TAF2: variants seen among roughly 807,000 people sequenced by gnomAD.
The protein encoded by TAF2 is TATA-box binding protein associated factor 2.
Under a neutral mutation model 138.5 loss-of-function variants are expected in TAF2, and 61 were observed. The observed-to-expected ratio is 0.44, with a 90% CI of 0.36 to 0.54. TAF2 has a LOEUF of 0.54. Ranked by LOEUF, TAF2 falls within the 20% of genes least tolerant of loss-of-function variation. TAF2 has a pLI of 0.00. For synonymous variants in TAF2, 475 were observed against 469.9 expected (o/e 1.01, Z -0.14); for missense variants, 1,090 against 1,427.9 (o/e 0.76, Z 3.81).
chr8:119,784,957 G>A (rs969502629), intron 15 of TAF2, among the ~76,000 whole-genome samples: 1 of 152,144 alleles, frequency 6.6e-6, no homozygotes, highest in African/African-American at 2.4e-5. Context: ...AGTCAAAGTT[G>A]TGCTCACCCC....
rs140004524 is a variant in TAF2, at chr8:119,741,243, A to T, written c.3337+1291T>A. On this transcript the variant is annotated intron_variant, in intron 25 of 25. Coordinates refer to ENST00000378164, the MANE Select transcript of TAF2 (RefSeq NM_003184.4). ...CACACCGCTAAGAAAAACCAAATGT[A>T]TTCTGACTCTTTTTGGAACAGTAAT... Among the ~76,000 whole-genome samples the T allele has an allele frequency of 1.1e-3, 165 of 152,342 alleles. 1 individual carries two copies. The highest frequency in any genetic ancestry group is 3.7e-3 in the African/African-American group (152 of 41,578).
At chr8:119,817,639 T>G (rs1825564171) in intron 3 of TAF2, among the ~76,000 whole-genome samples, 1 of 152,186 alleles carries the variant, frequency 6.6e-6, no homozygotes, top group Admixed American at 6.5e-5. Flanking sequence ...TCATTACACT[T>G]AACAGATTAT....
chr8:119,775,279 C>CA (rs59665180), intron 18 of TAF2, among the ~76,000 whole-genome samples: 29,273 of 100,588 alleles, frequency 0.29, 4,638 homozygotes, highest in East Asian at 0.47. Flanking sequence ...GATTCCATCT[C>CA]AAAAAAAAAA....
chr8:119,746,479 C>T lies in TAF2; in HGVS notation c.3108+226G>A, dbSNP rs182671042. On this transcript the variant is annotated intron_variant, in intron 23 of 25. Transcript: ENST00000378164. ...AAAAAATAACTAGGTTATCACAATA[C>T]GAGTAACAGGACCGGGAGCACATCA... is the stretch of plus-strand genomic sequence containing the variant. 2.0e-3 allele frequency among the ~76,000 whole-genome samples: 304 copies of T among 150,330 alleles called. 2 individuals are homozygous for T. The highest frequency in any genetic ancestry group is 6.1e-3 in the African/African-American group (248 of 40,988).
chr8:119,739,569 A>C (rs1332884686), intron 25 of TAF2, among the ~76,000 whole-genome samples: 1 of 151,720 alleles, frequency 6.6e-6, no homozygotes, highest in African/African-American at 2.4e-5. Context: ...TCTTCTTTAA[A>C]CCCATATTCT....
At chr8:119,823,473 G>A (rs758174240) in intron 2 of TAF2, among the ~76,000 whole-genome samples, 2 of 146,712 alleles carry the variant, frequency 1.4e-5, no homozygotes, top group African/African-American at 2.6e-5. Flanking sequence ...GAATTTTTCT[G>A]CACAAGCTCT....
intron 18 of TAF2, among the ~76,000 whole-genome samples, chr8:119,776,291 C>A (rs188026875): frequency 6.7e-6 from 1 of 149,296 alleles, no homozygotes; most frequent in Admixed American, 6.7e-5. Context: ...ACTAAAGAGG[C>A]AATGTTGTTT....
chr8:119,825,732 T>C (rs946259793), intron 2 of TAF2, among the ~76,000 whole-genome samples: 30 of 152,156 alleles, frequency 2.0e-4, no homozygotes, highest in Non-Finnish European at 5.9e-5. Context: ...TCGCCCAGGC[T>C]GGAGGGCAGT....
In TAF2 at chr8:119,731,750, G is replaced by T; in HGVS notation, c.*174C>A. On this transcript the variant is annotated 3_prime_UTR_variant, in exon 26 of 26. Transcript: ENST00000378164. ...ACTACAAAACACATTTTCCTAATTA[G>T]ATCCCAACTGTATAAATAACATAAA... 1 of 672,506 alleles carries T rather than the reference G, an allele frequency of 1.5e-6. No homozygotes were observed. The highest frequency in any genetic ancestry group is 2.6e-6 in the Non-Finnish European group (1 of 389,100). 41.7% of individuals were successfully genotyped at this position (672,506 alleles called of 1,614,324 possible). A position where few individuals can be genotyped will look rare whatever the true frequency, so the allele number is the denominator to read the frequency against.
At chr8:119,809,410 T>A (rs1824882422) in intron 3 of TAF2, among the ~76,000 whole-genome samples, 1 of 152,218 alleles carries the variant, frequency 6.6e-6, no homozygotes, top group African/African-American at 2.4e-5. Flanking sequence ...CTTTAAAACC[T>A]ACTCCACATC....
At chr8:119,776,467 G>A (rs536920491) in intron 18 of TAF2, among the ~76,000 whole-genome samples, 2 of 151,018 alleles carry the variant, frequency 1.3e-5, no homozygotes, top group African/African-American at 4.9e-5. Context: ...CGGATCACAA[G>A]GTCAGGAGAT....
intron 2 of TAF2, among the ~76,000 whole-genome samples, chr8:119,829,045 T>C (rs181008076): frequency 2.0e-5 from 3 of 152,330 alleles, no homozygotes; most frequent in South Asian, 4.1e-4. Flanking sequence ...AAGTTCCCCA[T>C]GTTAGGAGCA....
intron 10 of TAF2, 75 bp from the exon 11 acceptor site, chr8:119,791,534 C>T: frequency 6.6e-7 from 1 of 1,514,008 alleles, no homozygotes; most frequent in Non-Finnish European, 8.9e-7. Flanking sequence ...ATGACCACAT[C>T]AAGAAAATAC....
rs900207233 is a variant in TAF2 at position 119,795,647 on chromosome 8, A to C, written c.1092-16T>G. The C allele has an allele frequency of 1.9e-6, 3 of 1,607,862 alleles. No individual in the cohort carries two copies. The Admixed American group carries it at 5.0e-5, about 27-fold the overall frequency. On this transcript the variant is annotated splice_polypyrimidine_tract_variant and intron_variant, in intron 8 of 25. Transcript: ENST00000378164. ...TTCATCAGACCTAAGCAAAAAGTCA[A>C]AGCATAAATTACTTTTAATCATAAA...
chr8:119,750,683 A>T (rs1468695362), intron 22 of TAF2, among the ~76,000 whole-genome samples: 1 of 152,084 alleles, frequency 6.6e-6, no homozygotes, highest in East Asian at 1.9e-4. Context: ...TTAGGGAGAG[A>T]GACGGTGGGA....
At chr8:119,779,910 C>T (rs1822520109) in intron 17 of TAF2, among the ~76,000 whole-genome samples, 1 of 152,240 alleles carries the variant, frequency 6.6e-6, no homozygotes, top group Non-Finnish European at 1.5e-5. Context: ...TCCCACCTGA[C>T]TATTCCATCT....
intron 18 of TAF2, among the ~76,000 whole-genome samples, chr8:119,776,995 G>A (rs570700818): frequency 7.2e-4 from 109 of 152,218 alleles, no homozygotes; most frequent in African/African-American, 2.5e-3. Flanking sequence ...GAAGAAAAAG[G>A]AAGGTTGTGT....
At chr8:119,744,818 A>C in intron 23 of TAF2, 1 of 429,912 alleles carries the variant, frequency 2.3e-6, no homozygotes. Flanking sequence ...CAAGTATTCA[A>C]AAAGATTTAC....
At chr8:119,810,747 C>T (rs1437347314) in intron 3 of TAF2, among the ~76,000 whole-genome samples, 1 of 152,120 alleles carries the variant, frequency 6.6e-6, no homozygotes, top group Non-Finnish European at 1.5e-5. Context: ...GATTGCAAAA[C>T]TTGTATTCCA....
Sources: allele counts gnomAD v4.1 joint callset (sites outside exome capture counted in the v4.1 genomes callset), GRCh38; gene constraint gnomAD v4.1.1; transcripts MANE v1.5; gene names NCBI Gene and HGNC (gene_info 2026-07-23, HGNC 2026-07-21).